The following SLC26A7 variants were observed in gnomAD, a reference collection of about 807,000 sequenced individuals.
SLC26A7 encodes solute carrier family 26 member 7, also known as anion exchange transporter.
Under a neutral mutation model 82.5 loss-of-function variants are expected in SLC26A7, and 59 were observed. The ratio of observed to expected loss-of-function variants is 0.72; its 90% CI spans 0.58 to 0.89. The LOEUF (loss-of-function observed/expected upper bound fraction) is 0.89. Among genes scored for constraint, SLC26A7 ranks in the 40% least tolerant of loss-of-function variants. The pLI is 0.00. For missense variants in SLC26A7, 820 were observed against 793.0 expected (o/e 1.03, Z -0.41); for synonymous variants, 271 against 274.3 (o/e 0.99, Z 0.12).
chr8:91,295,799 T>C (rs1586375990), intron 4 of SLC26A7, 96 bp downstream of exon 4: 1 of 1,267,208 alleles, frequency 7.9e-7, no homozygotes, highest in East Asian at 2.4e-5. Context: ...TGAATTTGTC[T>C]TTATAGGTGG....
At chr8:91,379,002 G>A (rs1814595637) in intron 15 of SLC26A7, among the ~76,000 whole-genome samples, 1 of 151,626 alleles carries the variant, frequency 6.6e-6, no homozygotes, top group African/African-American at 2.4e-5. Flanking sequence ...AAAATCAATT[G>A]GTTTCAATAT....
At chr8:91,335,973 C>A (rs1813229649) in intron 6 of SLC26A7, among the ~76,000 whole-genome samples, 1 of 152,106 alleles carries the variant, frequency 6.6e-6, no homozygotes, top group Non-Finnish European at 1.5e-5. Flanking sequence ...GTGTGGACAC[C>A]TCCGTCCTCA....
chr8:91,296,335 C>T (rs1812015887), intron 4 of SLC26A7, among the ~76,000 whole-genome samples: 1 of 152,148 alleles, frequency 6.6e-6, no homozygotes, highest in African/African-American at 2.4e-5. Context: ...TAAATGTAGA[C>T]AGGCACTGAA....
At chr8:91,277,532 G>C (rs1028273904) in intron 2 of SLC26A7, among the ~76,000 whole-genome samples, 1 of 152,116 alleles carries the variant, frequency 6.6e-6, no homozygotes, top group Non-Finnish European at 1.5e-5. Context: ...CATCAAAGTG[G>C]CTGCAATATG....
intron 2 of SLC26A7, among the ~76,000 whole-genome samples, chr8:91,265,030 C>T (rs978362051): frequency 2.0e-5 from 3 of 151,920 alleles, no homozygotes; most frequent in African/African-American, 7.3e-5. Context: ...GTAATTTCTC[C>T]CCACTCCCTC....
Position 91,340,491 on chromosome 8 carries a change from C to G in SLC26A7, c.966C>G (p.Ala322=), listed in dbSNP as rs1813375568. The G allele has an allele frequency of 6.2e-7, 1 of 1,613,816 alleles. No individual in the cohort carries two copies. The change falls in exon 8 of 19, where the codon GCC becomes GCG. Residue 322 remains alanine (A), a synonymous_variant. Transcript: ENST00000276609. Reference sequence around the variant, plus strand: ...GAGTGGCACTTGTAGGCTATGTGGCCTCACTGGCTCTTGCTCAAGGATCTG... The same window carrying G: ...GAGTGGCACTTGTAGGCTATGTGGCGTCACTGGCTCTTGCTCAAGGATCTG... ...AFGVALVGYV[A]SLALAQGSAK...
At chr8:91,217,048 C>T (rs73697148) in intron 1 of SLC26A7, among the ~76,000 whole-genome samples, 3,816 of 152,150 alleles carry the variant, frequency 0.025, 175 homozygotes, top group African/African-American at 0.085. Context: ...CCTATGGTGT[C>T]TCCTGTCTCT....
intron 11 of SLC26A7, 24 bp downstream of exon 11, chr8:91,353,020 C>A: frequency 6.6e-7 from 1 of 1,519,402 alleles, no homozygotes; most frequent in African/African-American, 1.4e-5. Context: ...TGACCTAAAA[C>A]AATCCCTTTT....
chr8:91,315,664 A>G (rs2130804490), intron 4 of SLC26A7, among the ~76,000 whole-genome samples: 1 of 152,350 alleles, frequency 6.6e-6, no homozygotes, highest in South Asian at 2.1e-4. Context: ...TGTATTAAAT[A>G]AAAGGTGGCT....
intron 2 of SLC26A7, among the ~76,000 whole-genome samples, chr8:91,280,853 T>C (rs1811552296): frequency 6.6e-6 from 1 of 152,210 alleles, no homozygotes; most frequent in Non-Finnish European, 1.5e-5. Flanking sequence ...TGAAACTGAT[T>C]AGTTTTTAAA....
intron 2 of SLC26A7, among the ~76,000 whole-genome samples, chr8:91,276,250 T>C (rs1811403903): frequency 6.6e-6 from 1 of 152,130 alleles, no homozygotes; most frequent in African/African-American, 2.4e-5. Context: ...AAGAAAGACA[T>C]GCCATTTTTT....
chr8:91,250,749 CTT>C (rs1810636233), intron 2 of SLC26A7, among the ~76,000 whole-genome samples: 1 of 152,006 alleles, frequency 6.6e-6, no homozygotes, highest in Non-Finnish European at 1.5e-5. Flanking sequence ...TATAAGCACT[CTT>C]TTAATTAAAT....
intron 4 of SLC26A7, among the ~76,000 whole-genome samples, chr8:91,313,187 T>G (rs1294113096): frequency 6.6e-6 from 1 of 152,180 alleles, no homozygotes; most frequent in African/African-American, 2.4e-5. Context: ...AGGGTCCAAC[T>G]TCATTCATTT....
intron 2 of SLC26A7, among the ~76,000 whole-genome samples, chr8:91,255,710 G>C (rs1292904585): frequency 6.6e-6 from 1 of 151,870 alleles, no homozygotes; most frequent in East Asian, 1.9e-4. Context: ...CGGTACTTTT[G>C]ACTCCTGTTT....
intron 5 of SLC26A7, among the ~76,000 whole-genome samples, chr8:91,330,105 G>A (rs576629401): frequency 2.2e-4 from 34 of 152,178 alleles, no homozygotes; most frequent in South Asian, 4.1e-4. Flanking sequence ...CCCCTAATAC[G>A]TTTATTAATG....
At chr8:91,356,754 T>G (rs181132571) in intron 11 of SLC26A7, among the ~76,000 whole-genome samples, 2 of 152,348 alleles carry the variant, frequency 1.3e-5, no homozygotes, top group African/African-American at 4.8e-5. Flanking sequence ...TTTGTCAATT[T>G]TGGCTTTTGT....
At chr8:91,358,086 C>A (rs143981926) in intron 11 of SLC26A7, among the ~76,000 whole-genome samples, 1 of 152,128 alleles carries the variant, frequency 6.6e-6, no homozygotes, top group Non-Finnish European at 1.5e-5. Context: ...GTTAGAATGG[C>A]GATCATTAAA....
At chr8:91,269,581 C>G (rs1811210059) in intron 2 of SLC26A7, among the ~76,000 whole-genome samples, 1 of 152,044 alleles carries the variant, frequency 6.6e-6, no homozygotes, top group Admixed American at 6.6e-5. Context: ...GCTAATTTGA[C>G]CATAATTCGC....
At chr8:91,301,268 C>A (rs1190441781) in intron 4 of SLC26A7, among the ~76,000 whole-genome samples, 1 of 152,080 alleles carries the variant, frequency 6.6e-6, no homozygotes, top group Non-Finnish European at 1.5e-5. Flanking sequence ...CTTCTCAATG[C>A]TTTTCAGCAT....
Sources: allele counts gnomAD v4.1 joint callset (sites outside exome capture counted in the v4.1 genomes callset), GRCh38; gene constraint gnomAD v4.1.1; transcripts MANE v1.5; gene names NCBI Gene and HGNC (gene_info 2026-07-23, HGNC 2026-07-21).